FOCAD: variants seen among roughly 807,000 people sequenced by gnomAD.
FOCAD encodes focadhesin.
A neutral mutation model predicts 225.6 loss-of-function variants in FOCAD; 198 were observed. That is an observed-to-expected ratio of 0.88 (90% CI 0.78 to 0.99). The LOEUF (loss-of-function observed/expected upper bound fraction) is 0.99. Ranked by LOEUF, FOCAD falls within the 50% of genes least tolerant of loss-of-function variation. The pLI is 0.00. For missense variants in FOCAD, 2,713 were observed against 2,123.6 expected, an observed-to-expected ratio of 1.28 and a Z score of -5.46; for synonymous variants, 897 against 755.0, an observed-to-expected ratio of 1.19 and a Z score of -3.08.
At position 20,829,370 on chromosome 9, in the gene FOCAD, A is replaced by G. The variant is rs1406411147; in HGVS notation, c.1920+6255A>G. 2.0e-5 allele frequency among the ~76,000 whole-genome samples: 3 copies of G among 151,696 alleles called. No individual in the cohort carries two copies. In the East Asian group the frequency reaches 5.8e-4, roughly 29 times the overall value. ...GTATAAACTTGTGGTTTTGATTTGC[A>G]TTTCTCTGATGATCAGTGATGTTAA... On this transcript the variant is annotated intron_variant, in intron 15 of 43. Coordinates refer to ENST00000338382, the MANE Select transcript of FOCAD (RefSeq NM_001375567.1).
At chr9:20,943,595 A>G (rs970122185) in intron 28 of FOCAD, among the ~76,000 whole-genome samples, 6 of 152,162 alleles carry the variant, frequency 3.9e-5, no homozygotes, top group African/African-American at 1.2e-4. Context: ...AGTAAGTAAC[A>G]TGTTCATAAA....
At chr9:20,862,885 C>G in intron 16 of FOCAD, 173 bp downstream of exon 16, 1 of 504,548 alleles carries the variant, frequency 2.0e-6, no homozygotes, top group East Asian at 3.5e-5. Context: ...AATCTTATGT[C>G]TAAAATGTAT....
At chr9:20,949,528 G>T in intron 32 of FOCAD, 76 bp from the exon 33 acceptor site, 1 of 911,832 alleles carries the variant, frequency 1.1e-6, no homozygotes, top group South Asian at 1.3e-5. Flanking sequence ...AAGATGGATA[G>T]CTCATGCACC....
chr9:20,689,684 A>G (rs1822864649), intron 1 of FOCAD, among the ~76,000 whole-genome samples: 1 of 152,200 alleles, frequency 6.6e-6, no homozygotes, highest in African/African-American at 2.4e-5. Context: ...AAGATTATTT[A>G]GAGGAGAAGA....
intron 37 of FOCAD, among the ~76,000 whole-genome samples, chr9:20,978,827 C>T (rs1840436682): frequency 2.6e-5 from 4 of 152,070 alleles, no homozygotes; most frequent in African/African-American, 9.7e-5. Context: ...CCATATGTAC[C>T]GGACTTATCC....
chr9:20,950,953 T>G, intron 33 of FOCAD, 43 bp from the exon 34 acceptor site: 10 of 1,535,982 alleles, frequency 6.5e-6, no homozygotes, highest in Non-Finnish European at 9.0e-6. Flanking sequence ...GAATGGAACT[T>G]GGATCTTATC....
At chr9:20,868,568 C>G (rs1475512698) in intron 18 of FOCAD, among the ~76,000 whole-genome samples, 2 of 152,100 alleles carry the variant, frequency 1.3e-5, no homozygotes, top group African/African-American at 2.4e-5. Flanking sequence ...CCATAAATAG[C>G]TCTTTATATC....
intron 28 of FOCAD, among the ~76,000 whole-genome samples, chr9:20,934,263 T>A (rs770465792): frequency 6.6e-5 from 10 of 152,182 alleles, no homozygotes; most frequent in Non-Finnish European, 1.0e-4. Context: ...TTTTGGTTCT[T>A]CATCATGAAA....
At chr9:20,787,244 T>C (rs1563989354) in intron 10 of FOCAD, among the ~76,000 whole-genome samples, 1 of 152,214 alleles carries the variant, frequency 6.6e-6, no homozygotes, top group African/African-American at 2.4e-5. Flanking sequence ...TTCCAAATTA[T>C]ATTCATTTAC....
At chr9:20,825,284 G>A (rs1167789516) in intron 15 of FOCAD, among the ~76,000 whole-genome samples, 1 of 151,840 alleles carries the variant, frequency 6.6e-6, no homozygotes, top group Non-Finnish European at 1.5e-5. Flanking sequence ...TTTACTAACT[G>A]GGGGCTCATC....
rs150097785 is a variant in FOCAD at position 20,955,948 on chromosome 9, C to T, written c.4132+2883C>T. On this transcript the variant is annotated intron_variant, in intron 35 of 43. Coordinates refer to ENST00000338382, the MANE Select transcript of FOCAD (RefSeq NM_001375567.1). ...TAGCATTATTTTTGTTATTATATTG[C>T]TGGGGAATGTGGCTAACACTTTCTA... 6.4e-3 allele frequency among the ~76,000 whole-genome samples: 968 copies of T among 152,008 alleles called. 1 individual carries two copies. The highest frequency in any genetic ancestry group is 8.9e-3 in the Non-Finnish European group (603 of 67,964).
At position 20,950,911 on chromosome 9, in the gene FOCAD, G is replaced by T; in HGVS notation, c.3949-85G>T. 2.6e-6 allele frequency: 3 copies of T among 1,153,030 alleles called. No individual in the cohort carries two copies. The South Asian group carries it at 3.9e-5, about 15-fold the overall frequency. 71.4% of individuals were successfully genotyped at this position (1,153,030 alleles called of 1,614,324 possible). Reference sequence around the variant, plus strand: ...CCAGCCAAGCCACCACCTCCTAAATGACTGGTGACTTTCTGTGAGTGACCT... The same window carrying T: ...CCAGCCAAGCCACCACCTCCTAAATTACTGGTGACTTTCTGTGAGTGACCT... On this transcript the variant is annotated intron_variant, in intron 33 of 43. Transcript: ENST00000338382.
Position 20,881,890 on chromosome 9 carries a change from A to G in FOCAD, c.2337A>G (p.Thr779=). 6.2e-7 allele frequency: 1 copy of G among 1,612,658 alleles called. No individual in the cohort carries two copies. The highest frequency in any genetic ancestry group is 8.5e-7 in the Non-Finnish European group (1 of 1,179,578). Residue 779 remains threonine, a synonymous_variant, in exon 20 of 44, where the codon ACA becomes ACG. Transcript: ENST00000338382. ...LVLPALEEFF[T]SLVKQEMVNM... Reference sequence around the variant, plus strand: ...TTTTAGCTTTGGAGGAATTTTTTACATCACTTGTGAAGCAAGAAATGGTGA... The same window carrying G: ...TTTTAGCTTTGGAGGAATTTTTTACGTCACTTGTGAAGCAAGAAATGGTGA...
At chr9:20,668,166 A>G (rs968011899) in intron 2 of FOCAD, among the ~76,000 whole-genome samples, 5 of 152,176 alleles carry the variant, frequency 3.3e-5, no homozygotes, top group African/African-American at 1.2e-4. Context: ...GAAGTGTGAA[A>G]TTGTAATGAC....
intron 5 of FOCAD, among the ~76,000 whole-genome samples, chr9:20,756,587 T>C (rs773028605): frequency 1.1e-4 from 17 of 152,196 alleles, no homozygotes; most frequent in East Asian, 1.9e-4. Context: ...TTAAGGGCTC[T>C]ACAGCTAATC....
chr9:20,950,631 A>G (rs933435178), intron 33 of FOCAD, among the ~76,000 whole-genome samples: 15 of 152,190 alleles, frequency 9.9e-5, no homozygotes, highest in African/African-American at 3.4e-4. Context: ...TTCCATTTTT[A>G]GAGGTATTTT....
intron 8 of FOCAD, among the ~76,000 whole-genome samples, chr9:20,773,593 C>T (rs937163456): frequency 4.6e-5 from 7 of 152,168 alleles, no homozygotes; most frequent in Non-Finnish European, 7.4e-5. Context: ...TCATAACCTC[C>T]TTTTTCCCCT....
rs560740174 is a variant in FOCAD at position 20,715,624 on chromosome 9, T to C, written c.57+214T>C. Reference sequence around the variant, plus strand: ...TGATCAATCTCAGCTTCTGTTTATATATCATACTTTTCTTCCTAGAGATAA... The same window carrying C: ...TGATCAATCTCAGCTTCTGTTTATACATCATACTTTTCTTCCTAGAGATAA... On this transcript the variant is annotated intron_variant, in intron 2 of 43. Coordinates refer to ENST00000338382, the MANE Select transcript of FOCAD (RefSeq NM_001375567.1). 2.0e-5 allele frequency among the ~76,000 whole-genome samples: 3 copies of C among 152,260 alleles called. No individual in the cohort carries two copies. In the East Asian group the frequency reaches 5.8e-4, roughly 29 times the overall value.
chr9:20,752,476 C>T (rs530765774), intron 5 of FOCAD, among the ~76,000 whole-genome samples: 3 of 152,036 alleles, frequency 2.0e-5, no homozygotes, highest in East Asian at 1.9e-4. Context: ...TGTAGATATG[C>T]GGCGTTATTT....
Sources: allele counts gnomAD v4.1 joint callset (sites outside exome capture counted in the v4.1 genomes callset), GRCh38; gene constraint gnomAD v4.1.1; transcripts MANE v1.5; gene names NCBI Gene and HGNC (gene_info 2026-07-23, HGNC 2026-07-21).